The following KANK2 variants were observed in gnomAD, a reference collection of about 807,000 sequenced individuals.
KANK2 encodes KN motif and ankyrin repeat domains 2, also known as KN motif and ankyrin repeat domain-containing protein 2.
A neutral mutation model predicts 74.6 loss-of-function variants in KANK2; 41 were observed. The ratio of observed to expected loss-of-function variants is 0.55; its 90% confidence interval spans 0.43 to 0.71. The LOEUF (loss-of-function observed/expected upper bound fraction) is 0.71. Ranked by LOEUF, KANK2 falls within the 30% of genes least tolerant of loss-of-function variation. KANK2 has a pLI of 0.00. For missense variants in KANK2, 1,148 were observed against 1,196.4 expected (o/e 0.96, Z 0.60); for synonymous variants, 537 against 519.0 (o/e 1.03, Z -0.47).
chr19:11,164,759 CTGCT>C lies in KANK2; in HGVS notation c.*1795_*1798del, dbSNP rs146890804. On this transcript the variant is annotated 3_prime_UTR_variant, in exon 13 of 13. Coordinates refer to ENST00000586659, the MANE Select transcript of KANK2 (RefSeq NM_001136191.3). ...CCATCCATCCATCCATCCATCCATCCTGCTTGTCTCCTTTGACCAGCCAAGCCCT... is the reference window on the plus strand; with the variant it reads ...CCATCCATCCATCCATCCATCCATCCTGTCTCCTTTGACCAGCCAAGCCCT... 2 of 136,964 alleles carry C rather than the reference CTGCT, an allele frequency of 1.5e-5. No homozygotes were observed. Among genetic ancestry groups the C allele is most frequent in the African/African-American group, 2.8e-5 (1 of 35,296 alleles). 8.5% of individuals were successfully genotyped at this position (136,964 alleles called of 1,614,324 possible).
rs753743919 is a variant in KANK2, at chr19:11,170,607, A to G, written c.2212-359T>C. 5.3e-5 allele frequency among the ~76,000 whole-genome samples: 8 copies of G among 152,166 alleles called. No individual in the cohort carries two copies. The highest frequency in any genetic ancestry group is 1.3e-4 in the Admixed American group (2 of 15,268). ...TTTTGGTTTTGTTTTGCTTTATTTT[A>G]GAGACAGGGTCTTGCTCTGTTGCCC... On this transcript the variant is annotated intron_variant, in intron 10 of 12. Transcript: ENST00000586659. This position sits in a 1 kb window ranked among gnomAD's most constrained non-coding sequence, Gnocchi z 5.2.
rs368317752 is a variant in KANK2, at chr19:11,193,265, C to T, written c.815G>A (p.Arg272Gln). Residue 272 changes from arginine (R) to glutamine (Q), a missense_variant, in exon 4 of 13, where the codon CGA becomes CAA. Coordinates refer to ENST00000586659, the MANE Select transcript of KANK2 (RefSeq NM_001136191.3). This position sits in a 1 kb window ranked among gnomAD's most constrained non-coding sequence, Gnocchi z 9.6. The part of the protein sequence containing the change: ...LETRSVGTWV[R>Q]ERDLGMPDGE... ...ATCAGGCATGCCCAAGTCCCGTTCT[C>T]GAACCCAGGTGCCCACACTCCGGGT... The T allele has an allele frequency of 1.2e-5, 19 of 1,610,942 alleles. No homozygotes were observed. The highest frequency in any genetic ancestry group is 5.5e-5 in the South Asian group (5 of 91,086).
intron 1 of KANK2, chr19:11,196,275 C>T (rs2079017405): frequency 6.6e-6 from 1 of 152,266 alleles, no homozygotes; most frequent in Non-Finnish European, 1.5e-5. Context: ...TCAGGCTGGT[C>T]TCGAACTCCT....
chr19:11,171,817 C>T (rs1032797357), intron 10 of KANK2, among the ~76,000 whole-genome samples: 5 of 151,024 alleles, frequency 3.3e-5, no homozygotes, highest in African/African-American at 4.9e-5. Context: ...ATTACAGGCA[C>T]ATGCCACCAT....
At chr19:11,179,839 T>G (rs2078461097) in intron 4 of KANK2, among the ~76,000 whole-genome samples, 1 of 152,180 alleles carries the variant, frequency 6.6e-6, no homozygotes, top group Non-Finnish European at 1.5e-5. Context: ...TGTCTTGGAA[T>G]CCACTCAGGT....
chr19:11,193,502 G>A lies in KANK2; in HGVS notation c.578C>T (p.Ala193Val), dbSNP rs369300162. 4.5e-5 allele frequency: 73 copies of A among 1,609,726 alleles called. No individual in the cohort carries two copies. The highest frequency in any genetic ancestry group is 4.2e-4 in the South Asian group (38 of 91,074). The change falls in exon 4 of 13, where the codon GCG (alanine) becomes GTG (valine). Residue 193 changes from alanine (A) to valine (V), a missense_variant. By Grantham distance (64) the Ala-to-Val change is moderately conservative (BLOSUM62 0). Coordinates refer to ENST00000586659, the MANE Select transcript of KANK2 (RefSeq NM_001136191.3). This position sits in a 1 kb window ranked among gnomAD's most constrained non-coding sequence, Gnocchi z 9.6. ...CTGCCGCAGCTTCCGCAGGGCACCCGCCATCTGCTCCCGCACGTGGGCCAG... is the reference window on the plus strand; with the variant it reads ...CTGCCGCAGCTTCCGCAGGGCACCCACCATCTGCTCCCGCACGTGGGCCAG... Reference protein sequence around the residue: ...GHLAHVREQMAGALRKLRQLE... With the variant: ...GHLAHVREQMVGALRKLRQLE...
At position 11,193,748 on chromosome 19, in the gene KANK2, T is replaced by C. The variant is rs144137649; in HGVS notation, c.332A>G (p.Tyr111Cys). 2.7e-4 allele frequency: 433 copies of C among 1,612,514 alleles called. No individual in the cohort carries two copies. In the African/African-American group the frequency reaches 4.7e-3, roughly 17 times the overall value. The stretch of plus-strand genomic sequence containing the variant: ...GCCACCGCGGGTCTCCAGAGCACCA[T>C]ACTGAGGGTAGAAGCCACGGCCGCA... ...SYCGRGFYPQ[Y>C]GALETRGGFN... The change falls in exon 4 of 13, where the codon TAT becomes TGT. Residue 111 changes from tyrosine (Y) to cysteine (C), a missense_variant. Transcript: ENST00000586659. The surrounding 1 kb of genome is among the most constrained non-coding windows in gnomAD (Gnocchi z 9.6).
chr19:11,176,557 C>T, intron 7 of KANK2, 21 bp downstream of exon 7: 1 of 1,548,886 alleles, frequency 6.5e-7, no homozygotes, highest in Non-Finnish European at 8.7e-7. Flanking sequence ...TGCCTGAATC[C>T]CTCCTACCCA....
intron 4 of KANK2, among the ~76,000 whole-genome samples, chr19:11,180,105 G>T (rs552997811): frequency 1.3e-5 from 2 of 152,052 alleles, no homozygotes; most frequent in Non-Finnish European, 2.9e-5. Context: ...CAAGTGATCC[G>T]CCTTCCAAAG....
intron 4 of KANK2, among the ~76,000 whole-genome samples, chr19:11,183,844 G>T (rs2078600095): frequency 6.6e-6 from 1 of 151,852 alleles, no homozygotes; most frequent in Admixed American, 6.6e-5. Context: ...GTAGAGATGG[G>T]GTTTCACTAT....
chr19:11,174,961 T>C lies in KANK2; in HGVS notation c.1849-269A>G, dbSNP rs989625908. ...GGATATAATTTCTCTCTCTCTCTTTTTTTTTTTTTTTTGTGAGACAGAGTC... is the reference window on the plus strand; with the variant it reads ...GGATATAATTTCTCTCTCTCTCTTTCTTTTTTTTTTTTGTGAGACAGAGTC... On this transcript the variant is annotated intron_variant, in intron 8 of 12. Coordinates refer to ENST00000586659, the MANE Select transcript of KANK2 (RefSeq NM_001136191.3). Among the ~76,000 whole-genome samples, 28 of 147,946 alleles carry C rather than the reference T, an allele frequency of 1.9e-4. No homozygotes were observed. In the East Asian group the frequency reaches 4.9e-3, roughly 26 times the overall value.
intron 12 of KANK2, among the ~76,000 whole-genome samples, chr19:11,168,402 C>T (rs2078083925): frequency 6.6e-6 from 1 of 151,732 alleles, no homozygotes; most frequent in Admixed American, 6.6e-5. Flanking sequence ...TTCAGGTGAT[C>T]CTCCTGCCTC....
chr19:11,191,499 G>C (rs376671953), intron 4 of KANK2, among the ~76,000 whole-genome samples: 64 of 152,350 alleles, frequency 4.2e-4, no homozygotes, highest in African/African-American at 1.5e-3. Flanking sequence ...CACAGGGCTT[G>C]GGTGGGGCTC....
In KANK2 at chr19:11,195,689, ACGTCTCTCTGTGTCTCTC is replaced by A. The variant is rs1186168722; in HGVS notation, c.-165_-148del. The A allele has an allele frequency of 2.3e-5, 1 of 43,492 alleles. No individual in the cohort carries two copies. Among genetic ancestry groups the A allele is most frequent in the Non-Finnish European group, 4.2e-5 (1 of 23,918 alleles). The allele number at this position is 43,492 out of a possible 1,614,324, so 2.7% of individuals were successfully genotyped here. A position where few individuals can be genotyped will look rare whatever the true frequency, so the allele number is the denominator to read the frequency against. ...TCTCCAAGTCTCTCTGTGTCTCTCC[ACGTCTCTCTGTGTCTCTC>A]CACGTCTCTGTCTCTCTGCGTCTCT... is the stretch of plus-strand genomic sequence containing the variant. On this transcript the variant is annotated 5_prime_UTR_variant, in exon 2 of 13. Coordinates refer to ENST00000586659, the MANE Select transcript of KANK2 (RefSeq NM_001136191.3).
At chr19:11,166,639 G>A in intron 12 of KANK2, 28 bp from the exon 13 acceptor site, 1 of 1,612,424 alleles carries the variant, frequency 6.2e-7, no homozygotes, top group South Asian at 1.1e-5. Flanking sequence ...AATTCTTTTT[G>A]TTTGGGATCC....
intron 5 of KANK2, 48 bp from the exon 6 acceptor site, chr19:11,178,495 A>G (rs749555175): frequency 2.5e-6 from 4 of 1,600,076 alleles, no homozygotes; most frequent in Non-Finnish European, 3.4e-6. Context: ...TCAGGGCCAG[A>G]CTCCGAACTG....
intron 6 of KANK2, 32 bp from the exon 7 acceptor site, chr19:11,176,849 C>G (rs1472171071): frequency 1.9e-5 from 29 of 1,487,532 alleles, no homozygotes; most frequent in Non-Finnish European, 2.5e-5. Flanking sequence ...GGGGGAGATG[C>G]TGCAGGTGGG....
At chr19:11,182,521 A>C (rs2078550696) in intron 4 of KANK2, among the ~76,000 whole-genome samples, 2 of 135,116 alleles carry the variant, frequency 1.5e-5, no homozygotes, top group Non-Finnish European at 3.2e-5. Context: ...GTGAGACCCT[A>C]TCTTTAAAAA....
At position 11,174,781 on chromosome 19, in the gene KANK2, G is replaced by A. The variant is rs35824347; in HGVS notation, c.1849-89C>T. ...CCCAGATGCGCCCCCGGAGCAAAGCGTGGTGCCCTTGTCCTGGAAAACGAT... is the reference window on the plus strand; with the variant it reads ...CCCAGATGCGCCCCCGGAGCAAAGCATGGTGCCCTTGTCCTGGAAAACGAT... On this transcript the variant is annotated intron_variant, in intron 8 of 12. Coordinates refer to ENST00000586659, the MANE Select transcript of KANK2 (RefSeq NM_001136191.3). 0.073 allele frequency: 76,304 copies of A among 1,039,256 alleles called. 3,117 individuals are homozygous for A. Among genetic ancestry groups the A allele is most frequent in the Admixed American group, 0.11 (5,191 of 48,004 alleles). The allele number at this position is 1,039,256 out of a possible 1,614,324, so 64.4% of individuals were successfully genotyped here.
Sources: allele counts gnomAD v4.1 joint callset (sites outside exome capture counted in the v4.1 genomes callset), GRCh38; gene constraint gnomAD v4.1.1; non-coding constraint Gnocchi (gnomAD v3.1); transcripts MANE v1.5; gene names NCBI Gene and HGNC (gene_info 2026-07-23, HGNC 2026-07-21).